Variants in IFI16 observed in about 807,000 individuals in gnomAD.
The protein encoded by IFI16 is gamma-interferon-inducible protein 16.
IFI16 carries 49 observed loss-of-function variants against 68.4 expected under a neutral mutation model. That is an observed-to-expected ratio of 0.72 (90% CI 0.57 to 0.91). The LOEUF is 0.91. Among genes scored for constraint, IFI16 ranks in the 40% least tolerant of loss-of-function variants. IFI16 has a pLI of 0.00. For missense variants in IFI16, 878 were observed against 942.9 expected (o/e 0.93, Z 0.90); for synonymous variants, 307 against 315.0 (o/e 0.97, Z 0.27).
intron 6 of IFI16, among the ~76,000 whole-genome samples, chr1:159,029,679 G>GT (rs61339753): frequency 2.1e-3 from 272 of 131,132 alleles, no homozygotes; most frequent in South Asian, 0.015. Flanking sequence ...GCTTTGTTCA[G>GT]TTTTTTTTTT....
intron 1 of IFI16, among the ~76,000 whole-genome samples, chr1:159,011,409 T>A (rs777242914): frequency 1.4e-4 from 22 of 151,834 alleles, no homozygotes; most frequent in Admixed American, 5.2e-4. Context: ...TTTTTTTCTT[T>A]GTAGTGCTCT....
At chr1:159,032,454 C>A in intron 6 of IFI16, 70 bp from the exon 7 acceptor site, 1 of 941,128 alleles carries the variant, frequency 1.1e-6, no homozygotes, top group South Asian at 2.1e-5. Context: ...GGATGATATT[C>A]TCACAAATGA....
chr1:159,034,819 A>G (rs759464765), intron 7 of IFI16, among the ~76,000 whole-genome samples: 1 of 152,172 alleles, frequency 6.6e-6, no homozygotes, highest in Non-Finnish European at 1.5e-5. Context: ...CTCCTTTTAT[A>G]TACCATAAGC....
At chr1:159,042,199 T>A (rs1204220763) in intron 7 of IFI16, among the ~76,000 whole-genome samples, 1 of 152,200 alleles carries the variant, frequency 6.6e-6, no homozygotes, top group African/African-American at 2.4e-5. Flanking sequence ...GCTTTATTCT[T>A]ATTGATGATA....
intron 6 of IFI16, among the ~76,000 whole-genome samples, chr1:159,025,346 A>T (rs1653596896): frequency 6.6e-6 from 1 of 152,162 alleles, no homozygotes; most frequent in South Asian, 2.1e-4. Flanking sequence ...AATAAACACC[A>T]TTTTATATTT....
chr1:159,006,380 T>G (rs145472331), upstream of IFI16, among the ~76,000 whole-genome samples: 28 of 152,350 alleles, frequency 1.8e-4, no homozygotes, highest in East Asian at 4.2e-3. Flanking sequence ...TGCAAGGTTG[T>G]AAATCTTTCA....
At chr1:159,050,599 C>G (rs1296581943) in intron 9 of IFI16, among the ~76,000 whole-genome samples, 1 of 152,160 alleles carries the variant, frequency 6.6e-6, no homozygotes, top group Non-Finnish European at 1.5e-5. Context: ...TCTGTGGAGG[C>G]AGCCGTCCTG....
At chr1:159,028,319 G>T (rs1039567827) in intron 6 of IFI16, among the ~76,000 whole-genome samples, 1 of 152,030 alleles carries the variant, frequency 6.6e-6, no homozygotes, top group Admixed American at 6.5e-5. Context: ...TATTTGCATG[G>T]TTTTAAGGTT....
At chr1:159,023,160 AAG>A (rs1264178979) in intron 6 of IFI16, among the ~76,000 whole-genome samples, 7 of 152,134 alleles carry the variant, frequency 4.6e-5, no homozygotes, top group African/African-American at 9.6e-5. Flanking sequence ...ATTTTAGAAA[AAG>A]AGTTATTTAT....
At chr1:159,044,707 T>G (rs1192174750) in intron 7 of IFI16, among the ~76,000 whole-genome samples, 1 of 152,212 alleles carries the variant, frequency 6.6e-6, no homozygotes, top group East Asian at 1.9e-4. Flanking sequence ...ATGCTTTAGG[T>G]GGAATATTAA....
chr1:159,035,776 A>C (rs1211422028), intron 7 of IFI16, among the ~76,000 whole-genome samples: 1 of 151,836 alleles, frequency 6.6e-6, no homozygotes, highest in East Asian at 1.9e-4. Flanking sequence ...TCTGTTCTGT[A>C]CACCTAAAGC....
At chr1:159,025,912 A>G (rs1653639819) in intron 6 of IFI16, among the ~76,000 whole-genome samples, 1 of 152,166 alleles carries the variant, frequency 6.6e-6, no homozygotes, top group Admixed American at 6.5e-5. Context: ...TCCCAGCACC[A>G]TTTGTTGAAT....
At chr1:159,025,226 G>C (rs79350610) in intron 6 of IFI16, among the ~76,000 whole-genome samples, 4,381 of 152,062 alleles carry the variant, frequency 0.029, 101 homozygotes, top group African/African-American at 0.059. Context: ...TGTGGCCCTG[G>C]CCCCTCTTGA....
intron 1 of IFI16, 73 bp from the exon 2 acceptor site, chr1:159,014,588 A>G: frequency 1.0e-6 from 1 of 967,156 alleles, no homozygotes; most frequent in Non-Finnish European, 1.5e-6. Flanking sequence ...TGGGCCACTC[A>G]CTCACATAGG....
intron 6 of IFI16, among the ~76,000 whole-genome samples, chr1:159,032,263 A>G (rs934492531): frequency 6.6e-6 from 1 of 152,232 alleles, no homozygotes. Context: ...CTTTTGTCAT[A>G]AAGACAGAAA....
chr1:159,046,770 C>T (rs571250344), intron 8 of IFI16, among the ~76,000 whole-genome samples: 1 of 151,430 alleles, frequency 6.6e-6, no homozygotes, highest in South Asian at 2.1e-4. Flanking sequence ...AGCAAGTTCT[C>T]ACTAATACCC....
At position 159,053,615 on chromosome 1, in the gene IFI16, C is replaced by G; in HGVS notation, c.2168C>G (p.Thr723Ser). 6.2e-7 allele frequency: 1 copy of G among 1,613,584 alleles called. No homozygotes were observed. ...GAAGTGGTGGTGCATGGACGACTGA[C>G]CACAATCAACTGTGAGGAAGGAGAT... is the stretch of plus-strand genomic sequence containing the variant. ...KMEVVVHGRL[T>S]TINCEEGDKL... Residue 723 changes from threonine to serine, a missense_variant, in exon 11 of 12, where the codon ACC (threonine) becomes AGC (serine). Physicochemically the swap from Thr to Ser is moderately conservative, Grantham distance 58 (BLOSUM62 1). Around this residue, in one of 4 missense-constraint regions of IFI16, gnomAD observed 311 missense variants for 305.1 expected, o/e 1.02. Coordinates refer to ENST00000295809, the MANE Select transcript of IFI16 (RefSeq NM_001376587.1).
chr1:159,042,265 C>A (rs1477856169), intron 7 of IFI16, among the ~76,000 whole-genome samples: 1 of 152,114 alleles, frequency 6.6e-6, no homozygotes, highest in Non-Finnish European at 1.5e-5. Flanking sequence ...TGATTGGAAA[C>A]CCAAAGCATA....
At chr1:159,041,123 C>T (rs555495426) in intron 7 of IFI16, among the ~76,000 whole-genome samples, 4 of 152,014 alleles carry the variant, frequency 2.6e-5, no homozygotes, top group East Asian at 1.9e-4. Context: ...GCTAACGGTG[C>T]GATAGAATTA....
Sources: gnomAD v4.1 joint callset for allele counts (sites outside exome capture counted in the v4.1 genomes callset) on GRCh38, gnomAD v4.1.1 for gene constraint, gnomAD v4.1.1 regional missense constraint, MANE v1.5 for transcripts, NCBI Gene and HGNC (gene_info 2026-07-23, HGNC 2026-07-21) for gene names.